The following SRD5A2 variants were observed in gnomAD, a reference collection of about 807,000 sequenced individuals.
SRD5A2 encodes 3-oxo-5-alpha-steroid 4-dehydrogenase 2.
Under a neutral mutation model 27.4 loss-of-function variants are expected in SRD5A2, and 30 were observed. The observed-to-expected ratio is 1.10, with a 90% CI of 0.82 to 1.49. The LOEUF (loss-of-function observed/expected upper bound fraction) is 1.49. Among genes scored for constraint, SRD5A2 ranks in the 40% most tolerant of loss-of-function variants. SRD5A2 has a pLI of 0.00. For missense variants in SRD5A2, 348 were observed against 323.4 expected (o/e 1.08, Z -0.58); for synonymous variants, 141 against 133.6 (o/e 1.06, Z -0.38).
intron 1 of SRD5A2, among the ~76,000 whole-genome samples, chr2:31,561,927 AT>A (rs1666632425): frequency 6.6e-6 from 1 of 152,168 alleles, no homozygotes; most frequent in African/African-American, 2.4e-5. Context: ...CTTGAGGTGG[AT>A]TTTGGCATCA....
At chr2:31,543,219 G>A (rs1236347963) in intron 1 of SRD5A2, among the ~76,000 whole-genome samples, 1 of 152,184 alleles carries the variant, frequency 6.6e-6, no homozygotes, top group Non-Finnish European at 1.5e-5. Flanking sequence ...TTGAAAGTGA[G>A]GAGAAACTTA....
intron 4 of SRD5A2, chr2:31,527,620 G>T (rs530357586): frequency 7.9e-5 from 12 of 152,232 alleles, no homozygotes; most frequent in African/African-American, 2.9e-4. Flanking sequence ...CCTTCCCAGG[G>T]ACCCTCCAAG....
At chr2:31,601,772 A>G in the SRD5A2 span, among the ~76,000 whole-genome samples, 2 of 152,260 alleles carry the variant, frequency 1.3e-5, no homozygotes, top group African/African-American at 2.4e-5. Flanking sequence ...AAATCAATCA[A>G]TGTGATTCAT....
the SRD5A2 span, among the ~76,000 whole-genome samples, chr2:31,619,611 G>C: frequency 6.6e-6 from 1 of 151,582 alleles, no homozygotes; most frequent in African/African-American, 2.4e-5. Flanking sequence ...TGTTTTTTTT[G>C]TGACTTTTTA....
chr2:31,606,639 G>A, the SRD5A2 span, among the ~76,000 whole-genome samples: 1 of 151,846 alleles, frequency 6.6e-6, no homozygotes, highest in African/African-American at 2.4e-5. Flanking sequence ...ATGTACGGAT[G>A]ACAGACTGAA....
the SRD5A2 span, among the ~76,000 whole-genome samples, chr2:31,633,580 C>T: frequency 6.6e-6 from 1 of 152,162 alleles, no homozygotes; most frequent in South Asian, 2.1e-4. Context: ...GTCCCCTGGA[C>T]CGGCCTGCTA....
In SRD5A2 at chr2:31,525,195, A is replaced by C. The variant is rs539370522; in HGVS notation, c.*1001T>G. ...GAGACACCTTCTTGAACAGGTCCTGAGAACTACAAGGAAGAAGCTCCAGGA... is the reference window on the plus strand; with the variant it reads ...GAGACACCTTCTTGAACAGGTCCTGCGAACTACAAGGAAGAAGCTCCAGGA... On this transcript the variant is annotated 3_prime_UTR_variant, in exon 5 of 5. Transcript: ENST00000622030. 2.9e-4 allele frequency: 65 copies of C among 223,262 alleles called. No homozygotes were observed. In the Admixed American group the frequency reaches 3.3e-3, roughly 11 times the overall value. The allele number at this position is 223,262 out of a possible 1,614,324, so 13.8% of individuals were successfully genotyped here.
At chr2:31,560,514 C>A (rs555434678) in intron 1 of SRD5A2, among the ~76,000 whole-genome samples, 2 of 152,240 alleles carry the variant, frequency 1.3e-5, no homozygotes, top group Non-Finnish European at 2.9e-5. Context: ...CACCTGATTT[C>A]AGGCTCCTGG....
At chr2:31,661,988 T>C in the SRD5A2 span, among the ~76,000 whole-genome samples, 10 of 152,196 alleles carry the variant, frequency 6.6e-5, no homozygotes, top group African/African-American at 2.2e-4. Flanking sequence ...TTTTCAGTTG[T>C]AGAATTTTCA....
At chr2:31,645,699 C>A in the SRD5A2 span, among the ~76,000 whole-genome samples, 1 of 152,160 alleles carries the variant, frequency 6.6e-6, no homozygotes, top group Non-Finnish European at 1.5e-5. Context: ...CAACATAATT[C>A]TTGGATAATA....
chr2:31,635,858 G>T, the SRD5A2 span, among the ~76,000 whole-genome samples: 1 of 151,968 alleles, frequency 6.6e-6, no homozygotes, highest in South Asian at 2.1e-4. Context: ...TGAGTTAATT[G>T]TAAATGAATG....
At chr2:31,638,887 T>C in the SRD5A2 span, among the ~76,000 whole-genome samples, 1 of 152,070 alleles carries the variant, frequency 6.6e-6, no homozygotes, top group African/African-American at 2.4e-5. Flanking sequence ...TGCCTTTGAA[T>C]TAGAGAACTG....
intron 1 of SRD5A2, among the ~76,000 whole-genome samples, chr2:31,546,751 C>T (rs1666269960): frequency 6.6e-6 from 1 of 152,054 alleles, no homozygotes; most frequent in South Asian, 2.1e-4. Flanking sequence ...TGCAACTTAC[C>T]CATGTAATAA....
Position 31,569,689 on chromosome 2 carries a change from A to C in SRD5A2, c.281+10931T>G, listed in dbSNP as rs75855845. Among the ~76,000 whole-genome samples, 26 of 151,858 alleles carry C rather than the reference A, an allele frequency of 1.7e-4. No individual in the cohort carries two copies. In the East Asian group the frequency reaches 2.5e-3, roughly 15 times the overall value. ...AAAAAACAAAAAACAAAAAAAAAAA[A>C]ACACAACAAAAAAACTTTGATTCAA... On this transcript the variant is annotated intron_variant, in intron 1 of 4. Transcript: ENST00000622030.
chr2:31,658,427 T>C, the SRD5A2 span, among the ~76,000 whole-genome samples: 1 of 151,706 alleles, frequency 6.6e-6, no homozygotes, highest in African/African-American at 2.4e-5. Flanking sequence ...AAACCAAAAA[T>C]TAATTCTTTG....
chr2:31,570,536 T>A (rs574322715), intron 1 of SRD5A2, among the ~76,000 whole-genome samples: 223 of 152,182 alleles, frequency 1.5e-3, no homozygotes, highest in African/African-American at 5.3e-3. Context: ...AGCAATCAGG[T>A]AAGAGAAAGA....
the SRD5A2 span, among the ~76,000 whole-genome samples, chr2:31,655,455 G>A: frequency 1.3e-5 from 2 of 152,182 alleles, no homozygotes; most frequent in African/African-American, 4.8e-5. Context: ...CTGACTTCCA[G>A]GCAGAGGATG....
chr2:31,580,767 G>A lies in SRD5A2; in HGVS notation c.134C>T (p.Thr45Ile), dbSNP rs776884291. The A allele has an allele frequency of 4.3e-6, 7 of 1,610,638 alleles. No homozygotes were observed. The African/African-American group carries it at 9.3e-5, about 21-fold the overall frequency. Residue 45 changes from threonine (T) to isoleucine (I), a missense_variant, in exon 1 of 5, where the codon ACC becomes ATC. Coordinates refer to ENST00000622030, the MANE Select transcript of SRD5A2 (RefSeq NM_000348.4). ...KHTESLKPAA[T>I]RLPARAAWFL... Reference sequence around the variant, plus strand: ...CCAGGCGGCGCGGGCTGGCAGGCGGGTAGCCGCCGGCTTCAGGCTCTCCGT... The same window carrying A: ...CCAGGCGGCGCGGGCTGGCAGGCGGATAGCCGCCGGCTTCAGGCTCTCCGT...
Position 31,547,054 on chromosome 2 carries a change from C to T in SRD5A2, c.282-13288G>A, listed in dbSNP as rs532020297. Among the ~76,000 whole-genome samples, 23 of 152,034 alleles carry T rather than the reference C, an allele frequency of 1.5e-4. No individual in the cohort carries two copies. In the South Asian group the frequency reaches 3.9e-3, roughly 26 times the overall value. On this transcript the variant is annotated intron_variant, in intron 1 of 4. Transcript: ENST00000622030. Reference sequence around the variant, plus strand: ...CAGAGGTTGTGGTGAGCCGAGATGGCGCCATTGCACTCCAGCCTGGGCAAC... The same window carrying T: ...CAGAGGTTGTGGTGAGCCGAGATGGTGCCATTGCACTCCAGCCTGGGCAAC...
Sources: gnomAD v4.1 joint callset for allele counts (sites outside exome capture counted in the v4.1 genomes callset) on GRCh38, gnomAD v4.1.1 for gene constraint, MANE v1.5 for transcripts, NCBI Gene and HGNC (gene_info 2026-07-23, HGNC 2026-07-21) for gene names.